The following PTPRD variants were observed in gnomAD, a reference collection of about 807,000 sequenced individuals.
The protein encoded by PTPRD is protein tyrosine phosphatase receptor type D, also known as receptor-type tyrosine-protein phosphatase delta.
PTPRD carries 34 observed loss-of-function variants against 214.5 expected under a neutral mutation model. The ratio of observed to expected loss-of-function variants is 0.16; its 90% CI spans 0.12 to 0.21. The LOEUF (loss-of-function observed/expected upper bound fraction) is 0.21. PTPRD is among the 10% of genes least tolerant of loss of function. The pLI, the probability that PTPRD is intolerant of heterozygous loss-of-function variation, is 1.00. For synonymous variants in PTPRD, 1,128 were observed against 845.7 expected, an observed-to-expected ratio of 1.33 and a Z score of -5.79; for missense variants, 2,545 against 2,398.7, an observed-to-expected ratio of 1.06 and a Z score of -1.27.
intron 31 of PTPRD, among the ~76,000 whole-genome samples, chr9:8,466,766 C>T (rs1409145680): frequency 1.3e-5 from 2 of 151,784 alleles, no homozygotes; most frequent in African/African-American, 4.8e-5. Flanking sequence ...TGAACCTTGT[C>T]TTCACCTTGA....
At position 8,504,269 on chromosome 9, in the gene PTPRD, A is replaced by T. The variant is rs1159316929; in HGVS notation, c.1814T>A (p.Met605Lys). The change falls in exon 23 of 46, where the codon ATG (methionine) becomes AAG (lysine). Residue 605 changes from methionine to lysine, a missense_variant. Coordinates refer to ENST00000381196, the MANE Select transcript of PTPRD (RefSeq NM_002839.4). Reference protein sequence around the residue: ...ASTAEISARTMQSKPSAPPQD... With the variant: ...ASTAEISARTKQSKPSAPPQD... Reference sequence around the variant, plus strand: ...CAAAGAGAGACACCTACTTGACTGCATGGTTCTAGCTGATATTTCTGCAGT... The same window carrying T: ...CAAAGAGAGACACCTACTTGACTGCTTGGTTCTAGCTGATATTTCTGCAGT... The T allele has an allele frequency of 6.2e-7, 1 of 1,614,188 alleles. No homozygotes were observed. Among genetic ancestry groups the T allele is most frequent in the Non-Finnish European group, 8.5e-7 (1 of 1,180,010 alleles).
chr9:10,592,204 C>T (rs1923435), intron 2 of PTPRD, among the ~76,000 whole-genome samples: 27,689 of 151,804 alleles, frequency 0.18, 3,440 homozygotes, highest in East Asian at 0.53. Context: ...ATGACACTCA[C>T]GGAAAAGGGT....
chr9:10,437,766 T>C lies in PTPRD; in HGVS notation c.-599-96749A>G, dbSNP rs1007326332. ...GATTCCACAGAATAGTCCATTTTTG[T>C]TTTATCAGATATATATATATCTGAT... On this transcript the variant is annotated intron_variant, in intron 2 of 45. Coordinates refer to ENST00000381196, the MANE Select transcript of PTPRD (RefSeq NM_002839.4). Among the ~76,000 whole-genome samples, 25 of 151,434 alleles carry C rather than the reference T, an allele frequency of 1.7e-4. No homozygotes were observed. The East Asian group carries it at 4.1e-3, about 25-fold the overall frequency.
chr9:9,661,587 T>G (rs527499854), intron 7 of PTPRD, among the ~76,000 whole-genome samples: 38 of 151,992 alleles, frequency 2.5e-4, no homozygotes, highest in African/African-American at 9.1e-4. Flanking sequence ...ATATGCTGTT[T>G]ATATTTGTCT....
chr9:9,686,632 T>C (rs1397431797), intron 7 of PTPRD, among the ~76,000 whole-genome samples: 1 of 151,690 alleles, frequency 6.6e-6, no homozygotes, highest in African/African-American at 2.4e-5. Context: ...TAGAAATTGG[T>C]GTTGATTTGG....
intron 2 of PTPRD, among the ~76,000 whole-genome samples, chr9:10,515,335 G>C (rs535734884): frequency 6.6e-6 from 1 of 152,012 alleles, no homozygotes; most frequent in Admixed American, 6.6e-5. Context: ...GAAGTTGCTG[G>C]ATATCTAATG....
At chr9:9,558,730 C>A (rs879106624) in intron 8 of PTPRD, among the ~76,000 whole-genome samples, 2 of 152,136 alleles carry the variant, frequency 1.3e-5, no homozygotes, top group Non-Finnish European at 2.9e-5. Flanking sequence ...TGGTTTTAAA[C>A]CATATGTTAT....
chr9:10,195,001 C>T (rs1465497830), intron 3 of PTPRD, among the ~76,000 whole-genome samples: 3 of 150,564 alleles, frequency 2.0e-5, no homozygotes, highest in African/African-American at 4.9e-5. Context: ...GGTATGGTCC[C>T]GGCTCACTGT....
chr9:8,660,312 T>C lies in PTPRD; in HGVS notation c.65-23468A>G, dbSNP rs558716806. 2.2e-3 allele frequency among the ~76,000 whole-genome samples: 336 copies of C among 151,980 alleles called. 6 individuals are homozygous for C. The highest frequency in any genetic ancestry group is 7.7e-3 in the African/African-American group (319 of 41,256). ...TACCATCACAAATATTTAAAGGTTA[T>C]AGGACTTGCATGTATTATTTGTTTT... On this transcript the variant is annotated intron_variant, in intron 12 of 45. Transcript: ENST00000381196.
At chr9:9,339,410 TGA>T (rs759008623) in intron 9 of PTPRD, among the ~76,000 whole-genome samples, 3 of 151,902 alleles carry the variant, frequency 2.0e-5, no homozygotes, top group Non-Finnish European at 4.4e-5. Flanking sequence ...GGTGTGAACC[TGA>T]GAGGAGGAGC....
chr9:8,726,184 T>C (rs1455076827), intron 12 of PTPRD, among the ~76,000 whole-genome samples: 1 of 152,148 alleles, frequency 6.6e-6, no homozygotes, highest in Non-Finnish European at 1.5e-5. Flanking sequence ...CCTTTCTCTT[T>C]AATTCTTCAC....
rs1285162127 is a variant in PTPRD at position 8,317,046 on chromosome 9, T to TAA, written c.*826_*827dup. On this transcript the variant is annotated 3_prime_UTR_variant, in exon 46 of 46. Transcript: ENST00000381196. Reference sequence around the variant, plus strand: ...TGATTCCAAAAACAAAACAAAATAATAATTATCTTTGATTATTTGAAGAGA... The same window carrying TAA: ...TGATTCCAAAAACAAAACAAAATAATAAAATTATCTTTGATTATTTGAAGAGA... The TAA allele has an allele frequency of 8.6e-6, 2 of 231,712 alleles. No individual in the cohort carries two copies. The highest frequency in any genetic ancestry group is 1.7e-5 in the Non-Finnish European group (2 of 116,832). 14.4% of individuals were successfully genotyped at this position (231,712 alleles called of 1,614,324 possible).
At chr9:9,424,109 T>C (rs183728343) in intron 8 of PTPRD, among the ~76,000 whole-genome samples, 3 of 152,196 alleles carry the variant, frequency 2.0e-5, no homozygotes, top group African/African-American at 7.2e-5. Context: ...CAGTGACTAG[T>C]TGATGCAATG....
At position 9,407,236 on chromosome 9, in the gene PTPRD, T is replaced by C. The variant is rs969045970; in HGVS notation, c.-236-9754A>G. 1.8e-4 allele frequency among the ~76,000 whole-genome samples: 28 copies of C among 151,772 alleles called. 1 individual carries two copies. The highest frequency in any genetic ancestry group is 6.3e-4 in the African/African-American group (26 of 41,410). On this transcript the variant is annotated intron_variant, in intron 8 of 45. Coordinates refer to ENST00000381196, the MANE Select transcript of PTPRD (RefSeq NM_002839.4). Reference sequence around the variant, plus strand: ...GCTTTTTTGGCTCCATTTCTGAGCATCGACCATGATGACATCATATATGAT... The same window carrying C: ...GCTTTTTTGGCTCCATTTCTGAGCACCGACCATGATGACATCATATATGAT...
chr9:10,432,855 T>G (rs1040049582), intron 2 of PTPRD, among the ~76,000 whole-genome samples: 13 of 151,970 alleles, frequency 8.6e-5, no homozygotes, highest in African/African-American at 2.9e-4. Flanking sequence ...GATGACAGGT[T>G]GTTTCATACC....
intron 2 of PTPRD, among the ~76,000 whole-genome samples, chr9:10,565,494 G>C (rs903099054): frequency 6.6e-6 from 1 of 151,990 alleles, no homozygotes; most frequent in Non-Finnish European, 1.5e-5. Context: ...AAAGGAAATT[G>C]ACTTTCAGAA....
chr9:9,864,195 A>G (rs1241691150), intron 5 of PTPRD, among the ~76,000 whole-genome samples: 1 of 152,188 alleles, frequency 6.6e-6, no homozygotes, highest in African/African-American at 2.4e-5. Context: ...AGTCCCAGCT[A>G]CTTGGGAAGC....
At chr9:10,277,897 G>A (rs2094814358) in intron 3 of PTPRD, among the ~76,000 whole-genome samples, 1 of 152,176 alleles carries the variant, frequency 6.6e-6, no homozygotes, top group African/African-American at 2.4e-5. Context: ...GGTGGCTCAT[G>A]CCTGTAATCT....
intron 2 of PTPRD, among the ~76,000 whole-genome samples, chr9:10,612,186 C>G (rs1299288586): frequency 7.5e-6 from 1 of 132,498 alleles, no homozygotes; most frequent in African/African-American, 2.9e-5. Context: ...GATCCCATAT[C>G]GAAGTCTTCT....
Sources: allele counts gnomAD v4.1 joint callset (sites outside exome capture counted in the v4.1 genomes callset), GRCh38; gene constraint gnomAD v4.1.1; transcripts MANE v1.5; gene names NCBI Gene and HGNC (gene_info 2026-07-23, HGNC 2026-07-21).